PCDHA8: variants seen among roughly 807,000 people sequenced by gnomAD.
PCDHA8 encodes protocadherin alpha 8, also known as protocadherin alpha-8.
PCDHA8 carries 53 observed loss-of-function variants against 61.8 expected under a neutral mutation model. That is an observed-to-expected ratio of 0.86 (90% CI 0.69 to 1.08). The LOEUF is 1.08. Among genes scored for constraint, PCDHA8 ranks in the 50% least tolerant of loss-of-function variants. The pLI is 0.00. For missense variants in PCDHA8, 1,293 were observed against 1,245.0 expected (o/e 1.04, Z -0.58); for synonymous variants, 618 against 556.6 (o/e 1.11, Z -1.55).
chr5:140,940,666 A>G (rs1398290925), intron 1 of PCDHA8, among the ~76,000 whole-genome samples: 1 of 152,176 alleles, frequency 6.6e-6, no homozygotes, highest in Non-Finnish European at 1.5e-5. Flanking sequence ...TTAAATCTTC[A>G]TCTGATAATT....
intron 1 of PCDHA8, among the ~76,000 whole-genome samples, chr5:140,962,590 C>T (rs2095694493): frequency 6.6e-6 from 1 of 152,144 alleles, no homozygotes; most frequent in African/African-American, 2.4e-5. Context: ...AAATATTTGA[C>T]TGATATATTT....
intron 1 of PCDHA8, among the ~76,000 whole-genome samples, chr5:140,895,850 AC>A (rs2065202764): frequency 6.6e-6 from 1 of 152,110 alleles, no homozygotes; most frequent in Non-Finnish European, 1.5e-5. Context: ...TCACTCTTGT[AC>A]CCCAGGCTGG....
chr5:140,978,906 T>C, intron 1 of PCDHA8, 43 bp from the exon 2 acceptor site: 1 of 1,613,530 alleles, frequency 6.2e-7, no homozygotes, highest in Non-Finnish European at 8.5e-7. Flanking sequence ...GGGAGAACAT[T>C]GTCTTGTCAT....
intron 1 of PCDHA8, among the ~76,000 whole-genome samples, chr5:140,903,637 A>G (rs1290449623): frequency 1.3e-5 from 2 of 152,240 alleles, no homozygotes; most frequent in Non-Finnish European, 1.5e-5. Flanking sequence ...GTATGCATAT[A>G]CCATATACAT....
intron 1 of PCDHA8, chr5:140,883,292 G>C (rs1352359327): frequency 6.2e-7 from 1 of 1,613,946 alleles, no homozygotes; most frequent in Non-Finnish European, 8.5e-7. Flanking sequence ...GGAAGTACTA[G>C]ATGTAAATGA....
intron 3 of PCDHA8, among the ~76,000 whole-genome samples, chr5:141,005,799 T>A (rs1207641244): frequency 7.5e-6 from 1 of 133,220 alleles, no homozygotes; most frequent in African/African-American, 2.8e-5. Context: ...CAAAAACAAC[T>A]CCAAGGAGCC....
At chr5:140,998,415 C>T (rs1554256243) in intron 3 of PCDHA8, among the ~76,000 whole-genome samples, 1 of 152,158 alleles carries the variant, frequency 6.6e-6, no homozygotes, top group African/African-American at 2.4e-5. Context: ...GTTTATCTAC[C>T]TGGTTTATCC....
intron 1 of PCDHA8, chr5:140,883,880 C>G: frequency 1.2e-6 from 2 of 1,613,304 alleles, no homozygotes; most frequent in Non-Finnish European, 1.7e-6. Context: ...GGTGAGCGCG[C>G]GCGACTCTGG....
intron 1 of PCDHA8, chr5:140,856,310 C>A: frequency 1.3e-6 from 2 of 1,598,548 alleles, no homozygotes; most frequent in Non-Finnish European, 1.7e-6. Context: ...TGTGAATTCT[C>A]GGATTGACCG....
rs138800056 is a variant in PCDHA8 at position 140,842,341 on chromosome 5, T to C, written c.1020T>C (p.Ile340=). 5.9e-4 allele frequency: 943 copies of C among 1,607,778 alleles called. 5 individuals are homozygous for C. The highest frequency in any genetic ancestry group is 7.8e-4 in the Non-Finnish European group (921 of 1,174,582). ...GTCATTGCACCGTTTTAGTGAGAAT[T>C]TTGGATAAAAATGATAACGTCCCTG... ...MAGHCTVLVR[I]LDKNDNVPEI... The change falls in exon 1 of 4, where the codon ATT becomes ATC. Residue 340 remains isoleucine (I), a synonymous_variant. Transcript: ENST00000531613.
chr5:140,870,825 C>A (rs1554164734), intron 1 of PCDHA8: 6 of 1,613,726 alleles, frequency 3.7e-6, no homozygotes, highest in East Asian at 2.2e-5. Flanking sequence ...GCGCGGGAGG[C>A]GCAGTTAACA....
At chr5:140,901,583 T>C (rs530803677) in intron 1 of PCDHA8, among the ~76,000 whole-genome samples, 14 of 152,340 alleles carry the variant, frequency 9.2e-5, no homozygotes, top group African/African-American at 3.4e-4. Context: ...GCCAGTGCCA[T>C]GATGTTTTGG....
rs2150458258 is a variant in PCDHA8 at position 140,849,933 on chromosome 5, C to T, written c.2394+6218C>T. On this transcript the variant is annotated intron_variant, in intron 1 of 3. Transcript: ENST00000531613. Reference sequence around the variant, plus strand: ...CTGCCACATCTTCACGGTGTCTGCGCGGGACGCTGACGCGCAGGAGAACGC... The same window carrying T: ...CTGCCACATCTTCACGGTGTCTGCGTGGGACGCTGACGCGCAGGAGAACGC... The T allele has an allele frequency of 9.3e-5, 149 of 1,598,118 alleles. 10 individuals are homozygous for T. The highest frequency in any genetic ancestry group is 7.4e-4 in the South Asian group (67 of 90,542).
chr5:140,884,019 C>G, intron 1 of PCDHA8: 1 of 1,613,216 alleles, frequency 6.2e-7, no homozygotes. Flanking sequence ...ATGCCGCGGT[C>G]GGTGGGTGCA....
chr5:140,897,716 G>A (rs1554187531), intron 1 of PCDHA8, among the ~76,000 whole-genome samples: 1 of 152,144 alleles, frequency 6.6e-6, no homozygotes, highest in African/African-American at 2.4e-5. Context: ...TAATGGGATG[G>A]CTGGGTCAAA....
chr5:140,949,659 T>A (rs940241933), intron 1 of PCDHA8, among the ~76,000 whole-genome samples: 12 of 151,994 alleles, frequency 7.9e-5, no homozygotes, highest in Middle Eastern at 6.8e-3. Context: ...TACTTTTGTT[T>A]CTTTAAAGTA....
chr5:140,995,401 G>A (rs576317630), intron 3 of PCDHA8, among the ~76,000 whole-genome samples: 7 of 152,238 alleles, frequency 4.6e-5, no homozygotes, highest in African/African-American at 1.4e-4. Context: ...GGGATGGCTC[G>A]AGATTTCATC....
At chr5:140,934,151 A>G (rs1478465122) in intron 1 of PCDHA8, among the ~76,000 whole-genome samples, 3 of 152,088 alleles carry the variant, frequency 2.0e-5, no homozygotes, top group African/African-American at 7.2e-5. Context: ...TTATATGTTT[A>G]TATTTCAGTG....
chr5:140,925,441 T>G (rs1458646143), intron 1 of PCDHA8, among the ~76,000 whole-genome samples: 1 of 152,136 alleles, frequency 6.6e-6, no homozygotes, highest in African/African-American at 2.4e-5. Context: ...TTAGGCAGAA[T>G]TTGGGTGTAT....
Sources: gnomAD v4.1 joint callset for allele counts (sites outside exome capture counted in the v4.1 genomes callset) on GRCh38, gnomAD v4.1.1 for gene constraint, MANE v1.5 for transcripts, NCBI Gene and HGNC (gene_info 2026-07-23, HGNC 2026-07-21) for gene names.